The following NAA35 variants were observed in gnomAD, a reference collection of about 807,000 sequenced individuals.
NAA35 encodes N-alpha-acetyltransferase 35, NatC auxiliary subunit.
NAA35 carries 18 observed loss-of-function variants against 101.7 expected under a neutral mutation model. That is an observed-to-expected ratio of 0.18 (90% CI 0.12 to 0.26). The LOEUF (loss-of-function observed/expected upper bound fraction) is 0.26, where lower values mean the gene tolerates loss of function less well. NAA35 is among the 10% of genes least tolerant of loss of function. The pLI is 1.00. For synonymous variants in NAA35, 267 were observed against 273.1 expected, an observed-to-expected ratio of 0.98 and a Z score of 0.22; for missense variants, 601 against 886.8, an observed-to-expected ratio of 0.68 and a Z score of 4.09.
intron 6 of NAA35, among the ~76,000 whole-genome samples, chr9:85,968,599 A>G (rs768615074): frequency 1.1e-4 from 16 of 152,150 alleles, no homozygotes; most frequent in Non-Finnish European, 2.2e-4. Flanking sequence ...TAAAAAGTTA[A>G]ATAGCCCACT....
intron 11 of NAA35, among the ~76,000 whole-genome samples, chr9:85,983,270 C>T (rs1156614532): frequency 3.3e-5 from 5 of 152,322 alleles, no homozygotes; most frequent in Non-Finnish European, 4.4e-5. Flanking sequence ...TCGCTCCACT[C>T]GGCCTTCAGA....
chr9:86,021,925 G>T lies in NAA35; in HGVS notation c.2143G>T (p.Ala715Ser). Residue 715 changes from alanine (A) to serine (S), a missense_variant, in exon 23 of 23, where the codon GCT (alanine) becomes TCT (serine). This residue lies in a region of NAA35 where 21 missense variants were observed against 51.4 expected (regional missense o/e 0.41). Coordinates refer to ENST00000361671, the MANE Select transcript of NAA35 (RefSeq NM_024635.4). ...SKVPPEFDFS[A>S]HKYFPVVKLV ...GGTTCCTCCTGAATTTGATTTCTCT[G>T]CTCATAAATATTTTCCTGTTGTGAA... The T allele has an allele frequency of 6.2e-7, 1 of 1,613,276 alleles. No homozygotes were observed. Among genetic ancestry groups the T allele is most frequent in the Non-Finnish European group, 8.5e-7 (1 of 1,179,672 alleles).
chr9:85,954,436 T>C (rs113390126), intron 2 of NAA35, among the ~76,000 whole-genome samples: 5 of 152,306 alleles, frequency 3.3e-5, no homozygotes, highest in African/African-American at 1.2e-4. Flanking sequence ...GTCTCGACCA[T>C]TTTACAAACC....
chr9:85,958,581 A>G lies in NAA35; in HGVS notation c.268A>G (p.Ile90Val), dbSNP rs768650366. Residue 90 changes from isoleucine (I) to valine (V), a missense_variant, in exon 4 of 23, where the codon ATC becomes GTC. Physicochemically the swap from Ile to Val is conservative, Grantham distance 29 (BLOSUM62 3). Around this residue, in one of 8 missense-constraint regions of NAA35, gnomAD observed 42 missense variants for 41.2 expected, o/e 1.02. Transcript: ENST00000361671. ...NRKVLNFEQA[I>V]KDGTIKIKDL... The stretch of plus-strand genomic sequence containing the variant: ...AAAAGTTCTCAATTTTGAACAAGCT[A>G]TCAAGGTAGTTACCATTGTACTTTT... 4.4e-6 allele frequency: 7 copies of G among 1,602,082 alleles called. No homozygotes were observed. Among genetic ancestry groups the G allele is most frequent in the Non-Finnish European group, 6.0e-6 (7 of 1,171,510 alleles).
intron 13 of NAA35, among the ~76,000 whole-genome samples, chr9:86,004,870 T>C (rs550445723): frequency 7.9e-4 from 120 of 152,338 alleles, no homozygotes; most frequent in Middle Eastern, 3.4e-3. Context: ...ATAATTTGAA[T>C]AATCTCTTAT....
Position 86,025,383 on chromosome 9 carries a change from G to A in NAA35, c.*3423G>A, listed in dbSNP as rs186286842. On this transcript the variant is annotated 3_prime_UTR_variant, in exon 23 of 23. Coordinates refer to ENST00000361671, the MANE Select transcript of NAA35 (RefSeq NM_024635.4). ...GTAGACCATGCAGTGAGGAAAGAGC[G>A]ACTCAACTGGGCTTGAAGAACTGAC... 5.4e-4 allele frequency among the ~76,000 whole-genome samples: 82 copies of A among 152,256 alleles called. No homozygotes were observed. The highest frequency in any genetic ancestry group is 1.9e-3 in the African/African-American group (77 of 41,544).
At chr9:85,966,511 A>G (rs556298741) in intron 6 of NAA35, 55 of 647,590 alleles carry the variant, frequency 8.5e-5, no homozygotes, top group Middle Eastern at 6.5e-4. Context: ...TAGCTTCACT[A>G]TAATCCAGGA....
chr9:85,979,289 G>C (rs1488085509), intron 11 of NAA35, among the ~76,000 whole-genome samples: 1 of 152,140 alleles, frequency 6.6e-6, no homozygotes, highest in Non-Finnish European at 1.5e-5. Context: ...TTACATTTCT[G>C]TATTTGTCCC....
intron 2 of NAA35, among the ~76,000 whole-genome samples, chr9:85,951,508 G>T (rs928525025): frequency 2.0e-5 from 3 of 152,156 alleles, no homozygotes; most frequent in Admixed American, 6.5e-5. Flanking sequence ...CCTGGTAATG[G>T]ACTCTTTATG....
rs569918996 is a variant in NAA35 at position 86,010,667 on chromosome 9, C to T, written c.1290+736C>T. 5.0e-3 allele frequency among the ~76,000 whole-genome samples: 753 copies of T among 150,148 alleles called. 4 individuals carry two copies. Among genetic ancestry groups the T allele is most frequent in the African/African-American group, 0.018 (713 of 40,736 alleles). ...TTGGCTCACTGCAAGCTCCGCCTCC[C>T]GGGTTCACGCCATTCTCCTGCCTCA... is the stretch of plus-strand genomic sequence containing the variant. On this transcript the variant is annotated intron_variant, in intron 15 of 22. Coordinates refer to ENST00000361671, the MANE Select transcript of NAA35 (RefSeq NM_024635.4).
At chr9:85,949,811 T>TAA (rs201303945) in intron 2 of NAA35, among the ~76,000 whole-genome samples, 1 of 143,178 alleles carries the variant, frequency 7.0e-6, no homozygotes. Context: ...GAAGTAACTT[T>TAA]AAAAAAAAAA....
chr9:86,018,897 A>C (rs1288218938), intron 21 of NAA35, 76 bp downstream of exon 21: 1 of 1,544,430 alleles, frequency 6.5e-7, no homozygotes, highest in Non-Finnish European at 8.8e-7. Flanking sequence ...ATGAAAGTTA[A>C]TTATGAAAGT....
intron 11 of NAA35, among the ~76,000 whole-genome samples, chr9:85,983,324 A>T (rs1830511476): frequency 6.6e-6 from 1 of 152,220 alleles, no homozygotes. Context: ...AGTTTAGAAG[A>T]TTCTTCTTAG....
chr9:85,984,885 GGATCAGT>G (rs1163301688), intron 11 of NAA35, among the ~76,000 whole-genome samples: 1 of 152,054 alleles, frequency 6.6e-6, no homozygotes, highest in Non-Finnish European at 1.5e-5. Flanking sequence ...AACTCAGAAT[GGATCAGT>G]GACTTAAATG....
Position 86,015,869 on chromosome 9 carries a change from C to T in NAA35, c.1569-670C>T, listed in dbSNP as rs943664863. 3 of 735,474 alleles carry T rather than the reference C, an allele frequency of 4.1e-6. No individual in the cohort carries two copies. In the African/African-American group the frequency reaches 5.7e-5, roughly 14 times the overall value. The allele number at this position is 735,474 out of a possible 1,614,324, so 45.6% of individuals were successfully genotyped here. ...AGATATATGAGTTGTTATGGACTCTCACATTTTGTAGGGTGGCAGGGAACA... is the reference window on the plus strand; with the variant it reads ...AGATATATGAGTTGTTATGGACTCTTACATTTTGTAGGGTGGCAGGGAACA... On this transcript the variant is annotated intron_variant, in intron 17 of 22. Transcript: ENST00000361671.
rs756100754 is a variant in NAA35 at position 86,022,008 on chromosome 9, C to G, written c.*48C>G. On this transcript the variant is annotated 3_prime_UTR_variant, in exon 23 of 23. Coordinates refer to ENST00000361671, the MANE Select transcript of NAA35 (RefSeq NM_024635.4). Reference sequence around the variant, plus strand: ...AAAGGGGCAGAGTCTTCTTTCAGACCCAACTCTTAGAGGGCACATCACCAG... The same window carrying G: ...AAAGGGGCAGAGTCTTCTTTCAGACGCAACTCTTAGAGGGCACATCACCAG... 6.8e-7 allele frequency: 1 copy of G among 1,473,510 alleles called. No individual in the cohort carries two copies. 91.3% of individuals were successfully genotyped at this position (1,473,510 alleles called of 1,614,324 possible).
At chr9:86,021,778 A>AAT (rs376367913) in intron 22 of NAA35, 123 bp from the exon 23 acceptor site, 1 of 774,848 alleles carries the variant, frequency 1.3e-6, no homozygotes, top group African/African-American at 1.8e-5. Flanking sequence ...TAGTTTTTAA[A>AAT]ATCTATTTTG....
At chr9:85,963,298 T>TAA (rs1829602326) in intron 6 of NAA35, among the ~76,000 whole-genome samples, 2 of 147,788 alleles carry the variant, frequency 1.4e-5, no homozygotes, top group Non-Finnish European at 3.0e-5. Flanking sequence ...GAGAGGGGGT[T>TAA]TTAGTCCTGT....
chr9:85,962,268 A>G, intron 6 of NAA35, 88 bp downstream of exon 6: 1 of 1,275,116 alleles, frequency 7.8e-7, no homozygotes, highest in Non-Finnish European at 1.1e-6. Flanking sequence ...AGGTGGGCAG[A>G]TCACCTGAGG....
Sources: allele counts gnomAD v4.1 joint callset (sites outside exome capture counted in the v4.1 genomes callset), GRCh38; gene constraint gnomAD v4.1.1; regional missense constraint gnomAD v4.1.1; transcripts MANE v1.5; gene names NCBI Gene and HGNC (gene_info 2026-07-23, HGNC 2026-07-21).